BARX2: variants seen among roughly 807,000 people sequenced by gnomAD.
BARX2 encodes the protein BARX homeobox 2.
In BARX2, 11 loss-of-function variants were observed where a neutral mutation model predicts 25.5. That is an observed-to-expected ratio of 0.43 (90% confidence interval 0.27 to 0.71). The LOEUF (loss-of-function observed/expected upper bound fraction) is 0.71, where lower values mean the gene tolerates loss of function less well. BARX2 is among the 30% of genes least tolerant of loss of function. The pLI is 0.19. For synonymous variants in BARX2, 137 were observed against 149.5 expected, an observed-to-expected ratio of 0.92 and a Z score of 0.61; for missense variants, 360 against 359.9, an observed-to-expected ratio of 1.00 and a Z score of 0.00.
At chr11:129,444,475 C>T (rs1047610045) in intron 3 of BARX2, among the ~76,000 whole-genome samples, 3 of 152,146 alleles carry the variant, frequency 2.0e-5, no homozygotes, top group African/African-American at 4.8e-5. Context: ...TTGCATGAGT[C>T]AGCAAATATA....
chr11:129,413,290 A>C (rs1328236633), intron 1 of BARX2, among the ~76,000 whole-genome samples: 6 of 152,228 alleles, frequency 3.9e-5, no homozygotes, highest in Non-Finnish European at 8.8e-5. Context: ...AAGCCACGCA[A>C]GTTACTAAGT....
In BARX2 at chr11:129,376,365, A is replaced by G; in HGVS notation, c.187+143A>G. On this transcript the variant is annotated intron_variant, in intron 1 of 3. Coordinates refer to ENST00000281437, the MANE Select transcript of BARX2 (RefSeq NM_003658.5). This position sits in a 1 kb window ranked among gnomAD's most constrained non-coding sequence, Gnocchi z 4.2. ...CGCCTCAGCAAGCGGTGGGCATTGC[A>G]AAGGCATCTGCGACGTGGCCGGGAA... 1 of 863,896 alleles carries G rather than the reference A, an allele frequency of 1.2e-6. No individual in the cohort carries two copies. Among genetic ancestry groups the G allele is most frequent in the Non-Finnish European group, 1.7e-6 (1 of 577,658 alleles). The allele number at this position is 863,896 out of a possible 1,614,324, so 53.5% of individuals were successfully genotyped here.
chr11:129,410,099 GA>G (rs1172223193), intron 1 of BARX2, among the ~76,000 whole-genome samples: 1 of 152,110 alleles, frequency 6.6e-6, no homozygotes, highest in Non-Finnish European at 1.5e-5. Context: ...CAAATGAATA[GA>G]AAATGTTTAT....
At chr11:129,428,520 C>T (rs114970186) in intron 1 of BARX2, among the ~76,000 whole-genome samples, 8 of 152,276 alleles carry the variant, frequency 5.3e-5, no homozygotes, top group African/African-American at 1.7e-4. Context: ...GGAATGCAAG[C>T]GCTTTGTGAA....
chr11:129,451,548 T>C lies in BARX2; in HGVS notation c.*146T>C. The C allele has an allele frequency of 1.1e-6, 1 of 938,254 alleles. No individual in the cohort carries two copies. The highest frequency in any genetic ancestry group is 1.6e-6 in the Non-Finnish European group (1 of 639,098). The allele number at this position is 938,254 out of a possible 1,614,324, so 58.1% of individuals were successfully genotyped here. On this transcript the variant is annotated 3_prime_UTR_variant, in exon 4 of 4. Coordinates refer to ENST00000281437, the MANE Select transcript of BARX2 (RefSeq NM_003658.5). Reference sequence around the variant, plus strand: ...TCTCCCTCCCTCCCACAGTTACCATTGGCCTTGTCATCGCAAGCATTTGAC... The same window carrying C: ...TCTCCCTCCCTCCCACAGTTACCATCGGCCTTGTCATCGCAAGCATTTGAC...
At chr11:129,414,907 G>C (rs1405818692) in intron 1 of BARX2, among the ~76,000 whole-genome samples, 1 of 152,214 alleles carries the variant, frequency 6.6e-6, no homozygotes, top group Non-Finnish European at 1.5e-5. Flanking sequence ...CCTCAATAAT[G>C]AGATAGTAAT....
At chr11:129,448,285 T>G (rs1321505482) in intron 3 of BARX2, among the ~76,000 whole-genome samples, 1 of 152,194 alleles carries the variant, frequency 6.6e-6, no homozygotes, top group Non-Finnish European at 1.5e-5. Flanking sequence ...AAACATAAAT[T>G]GGGCTTCCTC....
At chr11:129,402,272 A>C (rs780925099) in intron 1 of BARX2, among the ~76,000 whole-genome samples, 3 of 151,876 alleles carry the variant, frequency 2.0e-5, no homozygotes, top group Non-Finnish European at 4.4e-5. Flanking sequence ...ACTTCTTAGC[A>C]TGTTAGCTTG....
chr11:129,415,618 G>A (rs1316246484), intron 1 of BARX2, among the ~76,000 whole-genome samples: 1 of 152,150 alleles, frequency 6.6e-6, no homozygotes, highest in East Asian at 1.9e-4. Context: ...AGAGCACCGG[G>A]CCCTGGAATC....
chr11:129,439,166 A>G (rs769498862), intron 2 of BARX2, among the ~76,000 whole-genome samples: 1 of 152,162 alleles, frequency 6.6e-6, no homozygotes. Context: ...GATGGATGAG[A>G]GAGGCCAGAG....
At chr11:129,425,137 C>G (rs1240486108) in intron 1 of BARX2, among the ~76,000 whole-genome samples, 2 of 152,214 alleles carry the variant, frequency 1.3e-5, no homozygotes, top group African/African-American at 2.4e-5. Flanking sequence ...AACCACATCT[C>G]TAGCCCTGAA....
At chr11:129,406,009 C>G (rs1861825937) in intron 1 of BARX2, among the ~76,000 whole-genome samples, 1 of 152,302 alleles carries the variant, frequency 6.6e-6, no homozygotes, top group East Asian at 1.9e-4. Context: ...ACTTATCTAT[C>G]TCATTACTAG....
chr11:129,411,096 G>T (rs1362892367), intron 1 of BARX2, among the ~76,000 whole-genome samples: 1 of 152,186 alleles, frequency 6.6e-6, no homozygotes, highest in Admixed American at 6.5e-5. Flanking sequence ...AGTGGGCCGG[G>T]CCCAGTGGCT....
Position 129,378,563 on chromosome 11 carries a change from C to CTTTTT in BARX2, c.187+2357_187+2361dup, listed in dbSNP as rs56804728. Among the ~76,000 whole-genome samples the CTTTTT allele has an allele frequency of 3.3e-3, 368 of 110,916 alleles. 1 individual carries two copies. Among genetic ancestry groups the CTTTTT allele is most frequent in the African/African-American group, 5.3e-3 (151 of 28,536 alleles). 72.8% of individuals were successfully genotyped at this position (110,916 alleles called of 152,430 possible). ...AATTTTCTTCTTTTCTTTTCTTTTT[C>CTTTTT]TTTTTTTTTTTTTTTTTTTTGCTAG... On this transcript the variant is annotated intron_variant, in intron 1 of 3. Transcript: ENST00000281437.
chr11:129,382,881 G>T (rs771416812), intron 1 of BARX2, among the ~76,000 whole-genome samples: 1 of 152,188 alleles, frequency 6.6e-6, no homozygotes, highest in African/African-American at 2.4e-5. Context: ...GCAGCATGAC[G>T]ACGAGAAGAA....
intron 1 of BARX2, among the ~76,000 whole-genome samples, chr11:129,408,020 C>CAAAAAA (rs59310534): frequency 4.3e-5 from 2 of 46,488 alleles, no homozygotes; most frequent in Non-Finnish European, 8.0e-5. Flanking sequence ...GACTCCGTCT[C>CAAAAAA]AAAAAAAAAA....
intron 1 of BARX2, among the ~76,000 whole-genome samples, chr11:129,404,193 C>T (rs1489788181): frequency 1.3e-5 from 2 of 152,244 alleles, no homozygotes; most frequent in Non-Finnish European, 2.9e-5. Flanking sequence ...ATTTTGGTCA[C>T]GGTTCTGAAT....
At chr11:129,393,445 T>G (rs1325816631) in intron 1 of BARX2, among the ~76,000 whole-genome samples, 1 of 151,948 alleles carries the variant, frequency 6.6e-6, no homozygotes, top group Non-Finnish European at 1.5e-5. Flanking sequence ...TTTCTATTAT[T>G]ACTGATTTGA....
chr11:129,408,020 C>CAAAAAAA (rs59310534), intron 1 of BARX2, among the ~76,000 whole-genome samples: 1 of 46,490 alleles, frequency 2.2e-5, no homozygotes, highest in Non-Finnish European at 4.0e-5. Context: ...GACTCCGTCT[C>CAAAAAAA]AAAAAAAAAA....
Sources: allele counts gnomAD v4.1 joint callset (sites outside exome capture counted in the v4.1 genomes callset), GRCh38; gene constraint gnomAD v4.1.1; non-coding constraint Gnocchi (gnomAD v3.1); transcripts MANE v1.5; gene names NCBI Gene and HGNC (gene_info 2026-07-23, HGNC 2026-07-21).